VIPR2: variants seen among roughly 807,000 people sequenced by gnomAD.
VIPR2 encodes the protein vasoactive intestinal peptide receptor 2.
VIPR2 carries 48 observed loss-of-function variants against 58.0 expected under a neutral mutation model. The observed-to-expected ratio is 0.83, with a 90% CI of 0.66 to 1.05. VIPR2 has a LOEUF of 1.05. Ranked by LOEUF, VIPR2 falls within the 50% of genes least tolerant of loss-of-function variation. The pLI is 0.00. For missense variants in VIPR2, 534 were observed against 558.0 expected (o/e 0.96, Z 0.43); for synonymous variants, 243 against 235.2 (o/e 1.03, Z -0.30).
rs143209252 is a variant in VIPR2, at chr7:159,034,637, T to C, written c.823A>G (p.Asn275Asp). The C allele has an allele frequency of 2.5e-6, 4 of 1,613,608 alleles. No individual in the cohort carries two copies. The highest frequency in any genetic ancestry group is 1.3e-5 in the African/African-American group (1 of 74,894). ...YLEDTGCWDT[N>D]DHSVPWWVIR... is the part of the protein sequence containing the mutation. ...ACCCACCAGGGCACACTGTGGTCGT[T>C]TGTATCCCAGCAACTGTCAGAGAGA... Residue 275 changes from asparagine (N) to aspartate (D), a missense_variant, in exon 9 of 13, where the codon AAC (asparagine) becomes GAC (aspartate). Asn to Asp is a conservative substitution (Grantham distance 23, BLOSUM62 1). Around this residue, in one of 3 missense-constraint regions of VIPR2, gnomAD observed 306 missense variants for 285.8 expected, o/e 1.07. Coordinates refer to ENST00000262178, the MANE Select transcript of VIPR2 (RefSeq NM_003382.5).
chr7:159,044,568 T>C (rs1854537447), intron 5 of VIPR2, among the ~76,000 whole-genome samples: 1 of 147,312 alleles, frequency 6.8e-6, no homozygotes, highest in Non-Finnish European at 1.5e-5. Flanking sequence ...AAATAAAGTG[T>C]CTTAAATATG....
intron 4 of VIPR2, among the ~76,000 whole-genome samples, chr7:159,068,432 G>A (rs1225098848): frequency 6.6e-6 from 1 of 152,232 alleles, no homozygotes; most frequent in African/African-American, 2.4e-5. Context: ...CAGCAGCCGT[G>A]ACCCATTTCT....
chr7:159,082,366 G>GA (rs1856949728), intron 4 of VIPR2, among the ~76,000 whole-genome samples: 1 of 151,738 alleles, frequency 6.6e-6, no homozygotes, highest in Admixed American at 6.6e-5. Flanking sequence ...ATCGCAAGGA[G>GA]AAAAAACCAA....
At chr7:159,123,035 T>C (rs1347237407) in intron 2 of VIPR2, among the ~76,000 whole-genome samples, 2 of 152,030 alleles carry the variant, frequency 1.3e-5, no homozygotes, top group African/African-American at 4.8e-5. Flanking sequence ...TAGCTCACGC[T>C]TGCAATCCCA....
At chr7:159,132,472 C>T (rs1196936270) in intron 2 of VIPR2, among the ~76,000 whole-genome samples, 4 of 151,928 alleles carry the variant, frequency 2.6e-5, no homozygotes, top group African/African-American at 4.8e-5. Context: ...CAGTCGGAGG[C>T]CTCAGGTAAG....
At chr7:159,108,283 G>A (rs999952360) in intron 3 of VIPR2, among the ~76,000 whole-genome samples, 10 of 152,352 alleles carry the variant, frequency 6.6e-5, no homozygotes, top group Admixed American at 2.0e-4. Flanking sequence ...CTAAGTATTT[G>A]CAAAGGATGC....
At chr7:159,121,198 C>CCCTT (rs1796443364) in intron 2 of VIPR2, among the ~76,000 whole-genome samples, 1 of 151,184 alleles carries the variant, frequency 6.6e-6, no homozygotes, top group African/African-American at 2.4e-5. Flanking sequence ...CTCCCTCCCT[C>CCCTT]CATGCTGCTG....
intron 2 of VIPR2, among the ~76,000 whole-genome samples, chr7:159,118,134 C>T (rs1168397706): frequency 6.6e-6 from 1 of 152,178 alleles, no homozygotes; most frequent in Non-Finnish European, 1.5e-5. Context: ...GGATGAGCCA[C>T]TCTCTTCCTG....
intron 12 of VIPR2, among the ~76,000 whole-genome samples, 171 bp from the exon 13 acceptor site, chr7:159,030,960 C>T (rs1238537902): frequency 1.3e-5 from 2 of 152,224 alleles, no homozygotes; most frequent in Admixed American, 6.5e-5. Context: ...CTGGAGGGAG[C>T]GGGAACTGGA....
At position 159,054,332 on chromosome 7, in the gene VIPR2, A is replaced by G. The variant is rs188364498; in HGVS notation, c.455+4149T>C. Among the ~76,000 whole-genome samples the G allele has an allele frequency of 2.0e-3, 311 of 152,330 alleles. 2 individuals carry two copies. The highest frequency in any genetic ancestry group is 7.2e-3 in the African/African-American group (300 of 41,582). ...CAAGAAACAATGACATAAAGAAACA[A>G]ATGGCAAATAAGCTTCATTAAAGTT... On this transcript the variant is annotated intron_variant, in intron 5 of 12. Transcript: ENST00000262178.
At chr7:159,118,115 C>T (rs1227182518) in intron 2 of VIPR2, among the ~76,000 whole-genome samples, 3 of 152,148 alleles carry the variant, frequency 2.0e-5, no homozygotes, top group Non-Finnish European at 2.9e-5. Context: ...CAGCAAATAA[C>T]GGGCTGAAGG....
Position 159,097,249 on chromosome 7 carries a change from G to A in VIPR2, c.357+6508C>T, listed in dbSNP as rs537982394. 5.8e-6 allele frequency: 8 copies of A among 1,388,624 alleles called. No individual in the cohort carries two copies. The highest frequency in any genetic ancestry group is 4.3e-5 in the African/African-American group (3 of 69,370). The allele number at this position is 1,388,624 out of a possible 1,614,324, so 86.0% of individuals were successfully genotyped here. A position where few individuals can be genotyped will look rare whatever the true frequency, so the allele number is the denominator to read the frequency against. On this transcript the variant is annotated intron_variant, in intron 4 of 12. Transcript: ENST00000262178. This position sits in a 1 kb window ranked among gnomAD's most constrained non-coding sequence, Gnocchi z 5.3. ...CACTGCGGTGGCCTGAGTGCTGGAG[G>A]AGGGCAGAGGCTTATTTTTAGGGAT...
At position 159,031,849 on chromosome 7, in the gene VIPR2, G is replaced by A. The variant is rs1214357535; in HGVS notation, c.1122C>T (p.Leu374=). The A allele has an allele frequency of 1.2e-6, 2 of 1,613,942 alleles. No individual in the cohort carries two copies. The highest frequency in any genetic ancestry group is 2.7e-5 in the African/African-American group (2 of 74,924). The change falls in exon 12 of 13, where the codon CTC becomes CTT. Residue 374 remains leucine (L), a synonymous_variant. Coordinates refer to ENST00000262178, the MANE Select transcript of VIPR2 (RefSeq NM_003382.5). The surrounding 1 kb of genome is among the most constrained non-coding windows in gnomAD (Gnocchi z 4.0). ...GSFQGLVVAV[L]YCFLNSEVQC... is the part of the protein sequence containing the mutation. ...TTACCTCACTGTTCAGGAAACAGTAGAGGACGGCCACCACCAGGCCCTGCA... is the reference window on the plus strand; with the variant it reads ...TTACCTCACTGTTCAGGAAACAGTAAAGGACGGCCACCACCAGGCCCTGCA...
At chr7:159,117,058 TC>T in intron 2 of VIPR2, 1 of 468,318 alleles carries the variant, frequency 2.1e-6, no homozygotes, top group Non-Finnish European at 3.8e-6. Context: ...CATTTTGTCC[TC>T]CCAGCAACTC....
intron 4 of VIPR2, among the ~76,000 whole-genome samples, chr7:159,087,169 T>C (rs1563312050): frequency 2.2e-5 from 3 of 135,510 alleles, no homozygotes; most frequent in South Asian, 2.4e-4. Flanking sequence ...CAACAAACAA[T>C]ACCCAGGACT....
intron 5 of VIPR2, among the ~76,000 whole-genome samples, chr7:159,048,360 T>C (rs1020908897): frequency 2.6e-5 from 4 of 152,206 alleles, no homozygotes; most frequent in Non-Finnish European, 4.4e-5. Context: ...ATATGAATAG[T>C]AAAGGGAAAT....
rs967479480 is a variant in VIPR2 at position 159,093,407 on chromosome 7, C to T, written c.357+10350G>A. Among the ~76,000 whole-genome samples the T allele has an allele frequency of 6.6e-6, 1 of 152,206 alleles. No homozygotes were observed. The highest frequency in any genetic ancestry group is 6.5e-5 in the Admixed American group (1 of 15,284). On this transcript the variant is annotated intron_variant, in intron 4 of 12. Transcript: ENST00000262178. The surrounding 1 kb of genome is among the most constrained non-coding windows in gnomAD (Gnocchi z 6.7). ...AGTCAGGGCAGGCACCGCGGCTCCA[C>T]GCTTACTTTCGAGGGTGCTGGCGGG...
At chr7:159,071,196 C>T (rs11981697) in intron 4 of VIPR2, among the ~76,000 whole-genome samples, 2,972 of 152,304 alleles carry the variant, frequency 0.02, 105 homozygotes, top group African/African-American at 0.066. Context: ...ACTGTGCACA[C>T]TTTTCCATCT....
intron 6 of VIPR2, 40 bp from the exon 7 acceptor site, chr7:159,036,942 T>C: frequency 6.3e-7 from 1 of 1,588,900 alleles, no homozygotes; most frequent in Non-Finnish European, 8.6e-7. Flanking sequence ...CATGACCTCA[T>C]CCGGTAACAG....
Sources: gnomAD v4.1 joint callset for allele counts (sites outside exome capture counted in the v4.1 genomes callset) on GRCh38, gnomAD v4.1.1 for gene constraint, gnomAD v4.1.1 regional missense constraint, Gnocchi (gnomAD v3.1) non-coding constraint, MANE v1.5 for transcripts, NCBI Gene and HGNC (gene_info 2026-07-23, HGNC 2026-07-21) for gene names.